Variants in ZNF385D observed in about 807,000 individuals in gnomAD.
The protein encoded by ZNF385D is zinc finger protein 659.
A neutral mutation model predicts 35.8 loss-of-function variants in ZNF385D; 15 were observed. The ratio of observed to expected loss-of-function variants is 0.42; its 90% confidence interval spans 0.28 to 0.64. The LOEUF is 0.64. ZNF385D is among the 30% of genes least tolerant of loss of function. The probability of loss-of-function intolerance (pLI) is 0.23; values close to 1 mark genes in which losing one functional copy is unlikely to be tolerated. For synonymous variants in ZNF385D, 212 were observed against 186.8 expected (o/e 1.13, Z -1.10); for missense variants, 474 against 494.6 (o/e 0.96, Z 0.39).
At chr3:22,140,786 G>C (rs1049458525) in intron 3 of ZNF385D, among the ~76,000 whole-genome samples, 18 of 152,154 alleles carry the variant, frequency 1.2e-4, no homozygotes, top group African/African-American at 3.9e-4. Context: ...AAATTCTCAA[G>C]GTATGGCCAT....
At chr3:21,471,268 C>CTCTT (rs1703869337) in intron 4 of ZNF385D, among the ~76,000 whole-genome samples, 3 of 109,664 alleles carry the variant, frequency 2.7e-5, no homozygotes, top group African/African-American at 1.1e-4. Context: ...CTCTCTCTCT[C>CTCTT]TCTCTTTCTC....
At chr3:22,298,401 T>C (rs962634668) in intron 2 of ZNF385D, among the ~76,000 whole-genome samples, 4 of 144,592 alleles carry the variant, frequency 2.8e-5, no homozygotes, top group African/African-American at 1.0e-4. Flanking sequence ...TGTGTATATA[T>C]ATGTAAAATA....
At chr3:21,502,158 C>A (rs1286783291) in intron 4 of ZNF385D, among the ~76,000 whole-genome samples, 1 of 152,124 alleles carries the variant, frequency 6.6e-6, no homozygotes, top group Non-Finnish European at 1.5e-5. Context: ...ATAGATCTTC[C>A]AAAAGGAACT....
intron 2 of ZNF385D, among the ~76,000 whole-genome samples, chr3:21,583,934 C>A (rs1220625835): frequency 5.9e-5 from 8 of 136,330 alleles, no homozygotes; most frequent in Non-Finnish European, 4.9e-5. Flanking sequence ...GCTATACTTA[C>A]ACATGTATTT....
intron 3 of ZNF385D, among the ~76,000 whole-genome samples, chr3:22,003,177 C>G (rs759193125): frequency 1.3e-5 from 2 of 152,114 alleles, no homozygotes; most frequent in African/African-American, 2.4e-5. Flanking sequence ...AAAACAAAAC[C>G]TAAATATTCC....
At chr3:21,899,818 AATG>A (rs1190953695) in intron 3 of ZNF385D, among the ~76,000 whole-genome samples, 1 of 152,136 alleles carries the variant, frequency 6.6e-6, no homozygotes, top group South Asian at 2.1e-4. Flanking sequence ...TTCCCACTAA[AATG>A]ATGATTCCTC....
intron 3 of ZNF385D, among the ~76,000 whole-genome samples, chr3:22,034,853 TATATG>T (rs1444005630): frequency 1.3e-5 from 2 of 152,184 alleles, no homozygotes; most frequent in East Asian, 3.9e-4. Context: ...GAAAGAAATG[TATATG>T]ATAATTTAAT....
intron 3 of ZNF385D, among the ~76,000 whole-genome samples, chr3:21,779,917 A>G (rs1235373413): frequency 6.6e-6 from 1 of 151,936 alleles, no homozygotes; most frequent in Non-Finnish European, 1.5e-5. Flanking sequence ...AATTTTCATT[A>G]AAAAAATCAA....
chr3:21,649,845 G>A (rs2065860550), intron 2 of ZNF385D, among the ~76,000 whole-genome samples: 1 of 152,110 alleles, frequency 6.6e-6, no homozygotes. Context: ...ATTATTTAAA[G>A]TGTATTGGTT....
intron 3 of ZNF385D, among the ~76,000 whole-genome samples, chr3:22,130,643 G>T (rs1171216981): frequency 6.6e-6 from 1 of 152,206 alleles, no homozygotes; most frequent in East Asian, 1.9e-4. Flanking sequence ...TCCCCCAAGA[G>T]CACAGATTCT....
intron 3 of ZNF385D, among the ~76,000 whole-genome samples, chr3:21,959,918 A>G (rs1702491380): frequency 6.6e-6 from 1 of 152,076 alleles, no homozygotes; most frequent in South Asian, 2.1e-4. Context: ...ACTGAAACAT[A>G]AGACTCAAAA....
intron 3 of ZNF385D, among the ~76,000 whole-genome samples, chr3:21,771,736 G>A (rs969448470): frequency 2.6e-5 from 4 of 151,904 alleles, no homozygotes; most frequent in Middle Eastern, 6.8e-3. Context: ...GGGAGGGGAA[G>A]CAATGGTTAA....
intron 2 of ZNF385D, among the ~76,000 whole-genome samples, chr3:22,342,782 A>G (rs979218233): frequency 5.3e-5 from 8 of 152,226 alleles, no homozygotes; most frequent in Admixed American, 2.0e-4. Context: ...AATGTCTCCA[A>G]TGGATTATAA....
intron 4 of ZNF385D, among the ~76,000 whole-genome samples, chr3:21,468,768 C>G (rs936043308): frequency 4.6e-5 from 7 of 151,822 alleles, no homozygotes; most frequent in Admixed American, 2.0e-4. Context: ...TACTTAAATA[C>G]AAAAAATTAG....
At chr3:21,938,892 T>G (rs1159263128) in intron 3 of ZNF385D, among the ~76,000 whole-genome samples, 1 of 152,206 alleles carries the variant, frequency 6.6e-6, no homozygotes, top group South Asian at 2.1e-4. Flanking sequence ...ACTTTGCAAT[T>G]TAGTATATAA....
In ZNF385D at chr3:22,350,991, TAGAAG is replaced by T. The variant is rs1219505445; in HGVS notation, c.106+21454_106+21458del. Among the ~76,000 whole-genome samples, 3 of 152,202 alleles carry T rather than the reference TAGAAG, an allele frequency of 2.0e-5. No homozygotes were observed. The South Asian group carries it at 6.2e-4, about 32-fold the overall frequency. On this transcript the variant is annotated intron_variant, in intron 2 of 5. Coordinates refer to the ZNF385D transcript ENST00000494108. ...TTAAGATATCATAATTAGGACATGT[TAGAAG>T]AGATTCAATAGACCCGCTTCCCCTG...
At chr3:21,750,766 C>T in intron 1 of ZNF385D, 129 bp downstream of exon 1, 1 of 1,151,990 alleles carries the variant, frequency 8.7e-7, no homozygotes, top group Non-Finnish European at 1.3e-6. Flanking sequence ...CGGCTTGGTC[C>T]TCCAGTTGCC....
At chr3:21,817,931 A>G (rs1007238875) in intron 3 of ZNF385D, among the ~76,000 whole-genome samples, 2 of 152,212 alleles carry the variant, frequency 1.3e-5, no homozygotes, top group African/African-American at 2.4e-5. Context: ...ACCAACCCAA[A>G]TGTCCATCAG....
At chr3:21,812,874 T>C (rs1255216781) in intron 3 of ZNF385D, among the ~76,000 whole-genome samples, 1 of 152,166 alleles carries the variant, frequency 6.6e-6, no homozygotes, top group African/African-American at 2.4e-5. Context: ...GTTTGAGATC[T>C]GAGAATGGAC....
Sources: gnomAD v4.1 joint callset for allele counts (sites outside exome capture counted in the v4.1 genomes callset) on GRCh38, gnomAD v4.1.1 for gene constraint, MANE v1.5 for transcripts, NCBI Gene and HGNC (gene_info 2026-07-23, HGNC 2026-07-21) for gene names.